Variants in SLC24A4 observed in about 807,000 individuals in gnomAD.
The protein encoded by SLC24A4 is solute carrier family 24 member 4.
SLC24A4 carries 53 observed loss-of-function variants against 79.0 expected under a neutral mutation model. The ratio of observed to expected loss-of-function variants is 0.67; its 90% CI spans 0.54 to 0.84. The LOEUF is 0.84. Ranked by LOEUF, SLC24A4 falls within the 40% of genes least tolerant of loss-of-function variation. The pLI is 0.00. For missense variants in SLC24A4, 731 were observed against 822.0 expected (o/e 0.89, Z 1.35); for synonymous variants, 323 against 323.8 (o/e 1.00, Z 0.03).
intron 2 of SLC24A4, among the ~76,000 whole-genome samples, chr14:92,334,996 C>G (rs1236396386): frequency 1.3e-5 from 2 of 152,132 alleles, no homozygotes; most frequent in Non-Finnish European, 2.9e-5. Flanking sequence ...TTACTTGCTT[C>G]TCGTAACAAC....
chr14:92,344,995 T>C (rs1335648897), intron 2 of SLC24A4, among the ~76,000 whole-genome samples: 1 of 152,208 alleles, frequency 6.6e-6, no homozygotes, highest in African/African-American at 2.4e-5. Flanking sequence ...TGAAGCCTCC[T>C]GAAATTCTGC....
intron 2 of SLC24A4, among the ~76,000 whole-genome samples, chr14:92,340,028 T>A (rs768960656): frequency 2.0e-5 from 3 of 152,194 alleles, no homozygotes; most frequent in Non-Finnish European, 4.4e-5. Context: ...CAACCCTGTT[T>A]GCAGATGCAG....
At chr14:92,362,011 G>C (rs921342918) in intron 2 of SLC24A4, among the ~76,000 whole-genome samples, 1 of 152,188 alleles carries the variant, frequency 6.6e-6, no homozygotes, top group East Asian at 1.9e-4. Flanking sequence ...GGTGGTGCTT[G>C]AGAAGTATTT....
chr14:92,485,596 A>G (rs1320680724), intron 13 of SLC24A4, among the ~76,000 whole-genome samples: 1 of 152,224 alleles, frequency 6.6e-6, no homozygotes, highest in African/African-American at 2.4e-5. Context: ...AGGCCAGTTC[A>G]TCTTACATTT....
chr14:92,438,479 G>A (rs1224821478), intron 3 of SLC24A4, among the ~76,000 whole-genome samples: 1 of 152,126 alleles, frequency 6.6e-6, no homozygotes, highest in African/African-American at 2.4e-5. Flanking sequence ...AATTAGCTGG[G>A]TGTGGTGGTG....
chr14:92,458,535 G>A (rs139890377), intron 12 of SLC24A4, among the ~76,000 whole-genome samples: 182 of 152,330 alleles, frequency 1.2e-3, no homozygotes, highest in Non-Finnish European at 2.1e-3. Context: ...AGCAGGAGGG[G>A]TGGTCTCCAG....
chr14:92,343,641 T>C (rs10151869), intron 2 of SLC24A4, among the ~76,000 whole-genome samples: 1,160 of 43,702 alleles, frequency 0.027, 4 homozygotes, highest in South Asian at 0.031. Context: ...TCTTTCTTTC[T>C]CTCTTTCCTT....
intron 12 of SLC24A4, among the ~76,000 whole-genome samples, chr14:92,480,419 G>A (rs1413194322): frequency 1.8e-4 from 26 of 146,296 alleles, no homozygotes; most frequent in Non-Finnish European, 2.9e-4. Context: ...TCAGCCTCCC[G>A]AGTAGCTGGG....
At chr14:92,465,484 G>A (rs755254456) in intron 12 of SLC24A4, among the ~76,000 whole-genome samples, 15 of 152,216 alleles carry the variant, frequency 9.9e-5, no homozygotes, top group Non-Finnish European at 2.1e-4. Context: ...CAGCCACAGA[G>A]CTTCAGGGTG....
At chr14:92,379,468 G>A (rs1371311958) in intron 2 of SLC24A4, among the ~76,000 whole-genome samples, 3 of 152,158 alleles carry the variant, frequency 2.0e-5, no homozygotes, top group African/African-American at 4.8e-5. Flanking sequence ...GGGGCTGCTG[G>A]AATAATCTAG....
At chr14:92,446,991 A>T (rs1212479598) in intron 8 of SLC24A4, among the ~76,000 whole-genome samples, 1 of 152,186 alleles carries the variant, frequency 6.6e-6, no homozygotes, top group African/African-American at 2.4e-5. Context: ...TCCTGCCCAG[A>T]ATCTTGGGTG....
At chr14:92,388,855 G>T (rs1212924864) in intron 2 of SLC24A4, among the ~76,000 whole-genome samples, 1 of 152,186 alleles carries the variant, frequency 6.6e-6, no homozygotes, top group East Asian at 1.9e-4. Context: ...TGGGGCCCAG[G>T]AGACATCTTG....
intron 2 of SLC24A4, among the ~76,000 whole-genome samples, chr14:92,375,333 T>G (rs142773585): frequency 7.2e-4 from 109 of 152,288 alleles, no homozygotes; most frequent in African/African-American, 2.3e-3. Context: ...GTGGAGAAAT[T>G]AAGACCCTCG....
At chr14:92,334,507 C>T (rs954887991) in intron 2 of SLC24A4, among the ~76,000 whole-genome samples, 7 of 152,196 alleles carry the variant, frequency 4.6e-5, no homozygotes, top group Non-Finnish European at 7.3e-5. Context: ...CAGTTGTGCC[C>T]GGATCCTGCC....
intron 2 of SLC24A4, among the ~76,000 whole-genome samples, chr14:92,364,836 C>T (rs547160078): frequency 6.6e-6 from 1 of 152,360 alleles, no homozygotes; most frequent in South Asian, 2.1e-4. Flanking sequence ...GAATCTCAAG[C>T]ATGTCTGGCA....
chr14:92,365,380 C>T lies in SLC24A4; in HGVS notation c.241+39402C>T, dbSNP rs151173234. On this transcript the variant is annotated intron_variant, in intron 2 of 16. Coordinates refer to ENST00000532405, the MANE Select transcript of SLC24A4 (RefSeq NM_153646.4). ...CCTGGTCCTTGTTTTAGAGCAGAGC[C>T]TTCTGGATGGGCCCTTTGGGTCACA... 2.1e-3 allele frequency among the ~76,000 whole-genome samples: 317 copies of T among 152,362 alleles called. 1 individual carries two copies. The highest frequency in any genetic ancestry group is 7.1e-3 in the African/African-American group (295 of 41,592).
chr14:92,386,933 T>C (rs1372433680), intron 2 of SLC24A4, among the ~76,000 whole-genome samples: 1 of 152,022 alleles, frequency 6.6e-6, no homozygotes, highest in African/African-American at 2.4e-5. Flanking sequence ...TCGAGGCTGG[T>C]TCATGCACAA....
intron 2 of SLC24A4, among the ~76,000 whole-genome samples, chr14:92,337,539 A>G (rs1885883857): frequency 6.6e-6 from 1 of 152,218 alleles, no homozygotes; most frequent in African/African-American, 2.4e-5. Flanking sequence ...GTTAAGTGTT[A>G]GAGCTCAAAG....
In SLC24A4 at chr14:92,334,889, GTCA is replaced by G. The variant is rs372925906; in HGVS notation, c.241+8929_241+8931del. On this transcript the variant is annotated intron_variant, in intron 2 of 16. Transcript: ENST00000532405. ...TGCCATCATCATCATCATCATCATC[GTCA>G]TCATCATCATCATCATCGTCATCAT... 3.4e-3 allele frequency among the ~76,000 whole-genome samples: 519 copies of G among 151,186 alleles called. 3 individuals are homozygous for G. The highest frequency in any genetic ancestry group is 0.027 in the South Asian group (128 of 4,790).
Sources: gnomAD v4.1 joint callset for allele counts (sites outside exome capture counted in the v4.1 genomes callset) on GRCh38, gnomAD v4.1.1 for gene constraint, MANE v1.5 for transcripts, NCBI Gene and HGNC (gene_info 2026-07-23, HGNC 2026-07-21) for gene names.